Variants in ANAPC4 observed in about 807,000 individuals in gnomAD.
ANAPC4 encodes anaphase-promoting complex subunit 4.
A neutral mutation model predicts 119.8 loss-of-function variants in ANAPC4; 63 were observed. The ratio of observed to expected loss-of-function variants is 0.53; its 90% CI spans 0.43 to 0.65. The LOEUF is 0.65. ANAPC4 is among the 30% of genes least tolerant of loss of function. ANAPC4 has a pLI of 0.00. For synonymous variants in ANAPC4, 283 were observed against 318.6 expected (o/e 0.89, Z 1.19); for missense variants, 716 against 945.1 (o/e 0.76, Z 3.18).
At chr4:25,406,909 T>C (rs749161786) in intron 19 of ANAPC4, 24 bp downstream of exon 19, 3 of 1,539,324 alleles carry the variant, frequency 1.9e-6, no homozygotes, top group Non-Finnish European at 2.6e-6. Flanking sequence ...ATTTCTGTAA[T>C]GCAGTTTAAA....
intron 4 of ANAPC4, among the ~76,000 whole-genome samples, chr4:25,386,284 C>G (rs1301233487): frequency 6.6e-6 from 1 of 152,190 alleles, no homozygotes; most frequent in African/African-American, 2.4e-5. Context: ...ACAATTTCAG[C>G]TCACTGTAGC....
In ANAPC4 at chr4:25,394,654, T is replaced by G. The variant is rs1304836398; in HGVS notation, c.942-17T>G. ...CCAATAGAGAAGTGACTAAAAATACTTTGTTTTTCATTGTAGTGCTGAACT... is the reference window on the plus strand; with the variant it reads ...CCAATAGAGAAGTGACTAAAAATACGTTGTTTTTCATTGTAGTGCTGAACT... On this transcript the variant is annotated splice_polypyrimidine_tract_variant and intron_variant, in intron 12 of 28. Coordinates refer to ENST00000315368, the MANE Select transcript of ANAPC4 (RefSeq NM_013367.3). The G allele has an allele frequency of 1.3e-6, 2 of 1,581,662 alleles. No individual in the cohort carries two copies.
intron 20 of ANAPC4, 76 bp downstream of exon 20, chr4:25,407,329 A>G: frequency 9.2e-7 from 1 of 1,087,062 alleles, no homozygotes; most frequent in Non-Finnish European, 1.3e-6. Context: ...AAGAATTACA[A>G]TACCAAGTAA....
intron 28 of ANAPC4, 77 bp from the exon 29 acceptor site, chr4:25,418,078 C>A: frequency 7.5e-7 from 1 of 1,326,304 alleles, no homozygotes; most frequent in Non-Finnish European, 1.0e-6. Flanking sequence ...TTCTTTGATT[C>A]AGACTTCTGA....
At chr4:25,386,234 C>G (rs575243551) in intron 4 of ANAPC4, among the ~76,000 whole-genome samples, 1 of 152,074 alleles carries the variant, frequency 6.6e-6, no homozygotes, top group African/African-American at 2.4e-5. Flanking sequence ...TTTTTTGAGA[C>G]ACAGTTATCA....
intron 4 of ANAPC4, among the ~76,000 whole-genome samples, chr4:25,386,098 A>G (rs1205163409): frequency 2.6e-5 from 4 of 151,846 alleles, no homozygotes; most frequent in Non-Finnish European, 5.9e-5. Context: ...TTTTTAGTAG[A>G]GATGGGGTTT....
chr4:25,398,019 G>A (rs1348774517), intron 16 of ANAPC4, among the ~76,000 whole-genome samples: 1 of 152,070 alleles, frequency 6.6e-6, no homozygotes, highest in Non-Finnish European at 1.5e-5. Flanking sequence ...TCTTGCCTCA[G>A]CCTCCTGAGG....
At position 25,406,842 on chromosome 4, in the gene ANAPC4, A is replaced by G; in HGVS notation, c.1331A>G (p.Asp444Gly). 6.2e-7 allele frequency: 1 copy of G among 1,604,106 alleles called. No individual in the cohort carries two copies. Among genetic ancestry groups the G allele is most frequent in the South Asian group, 1.1e-5 (1 of 88,370 alleles). The change falls in exon 19 of 29, where the codon GAT becomes GGT. Residue 444 changes from aspartate to glycine, a missense_variant. Asp to Gly is a moderately conservative substitution (Grantham distance 94, BLOSUM62 -1). This residue lies in a region of ANAPC4 where 504 missense variants were observed against 615.8 expected (regional missense o/e 0.82). Coordinates refer to ENST00000315368, the MANE Select transcript of ANAPC4 (RefSeq NM_013367.3). Reference sequence around the variant, plus strand: ...TTTTGTTGATAGATGACTCAGAAAGATATCACATTTGTTGCTGAATTTCTT... The same window carrying G: ...TTTTGTTGATAGATGACTCAGAAAGGTATCACATTTGTTGCTGAATTTCTT... Reference protein sequence around the residue: ...LPELNKMTQKDITFVAEFLTE... With the variant: ...LPELNKMTQKGITFVAEFLTE...
chr4:25,383,251 C>T lies in ANAPC4; in HGVS notation c.236-10C>T, dbSNP rs1388653338. The T allele has an allele frequency of 1.3e-6, 2 of 1,577,722 alleles. No individual in the cohort carries two copies. The highest frequency in any genetic ancestry group is 1.4e-5 in the African/African-American group (1 of 73,156). On this transcript the variant is annotated splice_polypyrimidine_tract_variant and intron_variant, in intron 3 of 28. Transcript: ENST00000315368. ...CACTAATTTATTCTGATTGTTTTTT[C>T]TTGTTTTAGTTTTGGCCTTTGCTCT...
At chr4:25,398,024 C>A (rs894979962) in intron 16 of ANAPC4, among the ~76,000 whole-genome samples, 2 of 152,112 alleles carry the variant, frequency 1.3e-5, no homozygotes, top group Non-Finnish European at 2.9e-5. Context: ...CCTCAGCCTC[C>A]TGAGGAGCTG....
chr4:25,393,909 T>A lies in ANAPC4; in HGVS notation c.876+18T>A. On this transcript the variant is annotated intron_variant, in intron 11 of 28. Transcript: ENST00000315368. The stretch of plus-strand genomic sequence containing the variant: ...TTGTGCAGGTAAAGCAGCTGAAGTT[T>A]CCCATGGAGAGAGTTAAAGAATGCA... The A allele has an allele frequency of 4.4e-6, 7 of 1,586,406 alleles. No individual in the cohort carries two copies. The highest frequency in any genetic ancestry group is 5.2e-6 in the Non-Finnish European group (6 of 1,163,588).
intron 27 of ANAPC4, 167 bp from the exon 28 acceptor site, chr4:25,417,449 A>G: frequency 1.5e-6 from 1 of 679,670 alleles, no homozygotes; most frequent in Non-Finnish European, 2.2e-6. Flanking sequence ...TTTTTATAGA[A>G]TATTATATCA....
At chr4:25,393,125 T>G (rs1722445766) in intron 10 of ANAPC4, among the ~76,000 whole-genome samples, 1 of 152,208 alleles carries the variant, frequency 6.6e-6, no homozygotes, top group South Asian at 2.1e-4. Context: ...CCACAGTCAT[T>G]AATTTATTTG....
At chr4:25,387,538 AT>A (rs1202767289) in intron 4 of ANAPC4, among the ~76,000 whole-genome samples, 1 of 152,216 alleles carries the variant, frequency 6.6e-6, no homozygotes, top group Non-Finnish European at 1.5e-5. Flanking sequence ...ATATCATGTA[AT>A]TCCTATTCCA....
intron 2 of ANAPC4, among the ~76,000 whole-genome samples, chr4:25,379,549 G>A (rs1721601190): frequency 6.6e-6 from 1 of 152,212 alleles, no homozygotes; most frequent in African/African-American, 2.4e-5. Flanking sequence ...ACCTAGCAAG[G>A]CTGCAGGGAA....
chr4:25,410,717 A>G (rs62409209), intron 21 of ANAPC4, among the ~76,000 whole-genome samples: 27,546 of 152,164 alleles, frequency 0.18, 2,568 homozygotes, highest in African/African-American at 0.22. Flanking sequence ...TGACACCACT[A>G]GTGGAAAATT....
intron 21 of ANAPC4, among the ~76,000 whole-genome samples, chr4:25,410,565 A>G (rs920935640): frequency 1.3e-5 from 2 of 152,184 alleles, no homozygotes; most frequent in African/African-American, 4.8e-5. Flanking sequence ...GGATCACACA[A>G]GCTGGTTAGT....
chr4:25,383,055 G>T (rs1192413719), intron 3 of ANAPC4, among the ~76,000 whole-genome samples: 1 of 152,020 alleles, frequency 6.6e-6, no homozygotes, highest in Non-Finnish European at 1.5e-5. Flanking sequence ...TAAAGTTTGA[G>T]CACTTGAAAA....
intron 16 of ANAPC4, among the ~76,000 whole-genome samples, chr4:25,398,210 T>A (rs1722763361): frequency 6.6e-6 from 1 of 152,210 alleles, no homozygotes; most frequent in South Asian, 2.1e-4. Flanking sequence ...AGTTTTTTGA[T>A]TATTGTCAAA....
Sources: gnomAD v4.1 joint callset for allele counts (sites outside exome capture counted in the v4.1 genomes callset) on GRCh38, gnomAD v4.1.1 for gene constraint, gnomAD v4.1.1 regional missense constraint, MANE v1.5 for transcripts, NCBI Gene and HGNC (gene_info 2026-07-23, HGNC 2026-07-21) for gene names.